Variants in GLYATL1 observed in about 807,000 individuals in gnomAD.
GLYATL1 encodes the protein glycine N-acyltransferase-like protein 1.
A neutral mutation model predicts 20.0 loss-of-function variants in GLYATL1; 15 were observed. The observed-to-expected ratio is 0.75, with a 90% CI of 0.50 to 1.15. GLYATL1 has a LOEUF of 1.15. Ranked by LOEUF, GLYATL1 falls within the 50% of genes most tolerant of loss-of-function variation. The probability of loss-of-function intolerance (pLI) is 0.00; values close to 1 mark genes in which losing one functional copy is unlikely to be tolerated. For synonymous variants in GLYATL1, 151 were observed against 131.5 expected (o/e 1.15, Z -1.01); for missense variants, 380 against 368.5 (o/e 1.03, Z -0.26).
At chr11:58,950,554 A>G (rs979765376) in intron 4 of GLYATL1, among the ~76,000 whole-genome samples, 5 of 152,196 alleles carry the variant, frequency 3.3e-5, no homozygotes, top group African/African-American at 1.2e-4. Flanking sequence ...ACATATCTTT[A>G]TATCCTGGAA....
intron 1 of GLYATL1, among the ~76,000 whole-genome samples, chr11:58,931,522 T>C (rs1855600578): frequency 6.6e-6 from 1 of 152,164 alleles, no homozygotes; most frequent in African/African-American, 2.4e-5. Context: ...TAATTTCTTA[T>C]CTATATGCAA....
intron 1 of GLYATL1, chr11:58,905,731 G>A: frequency 8.1e-6 from 1 of 123,566 alleles, no homozygotes; most frequent in South Asian, 1.3e-4. Context: ...TGGGTCATCT[G>A]GACAAATAGG....
intron 1 of GLYATL1, among the ~76,000 whole-genome samples, chr11:58,905,884 T>C (rs1186344482): frequency 6.6e-6 from 1 of 152,184 alleles, no homozygotes; most frequent in African/African-American, 2.4e-5. Context: ...CCAAAGTGGA[T>C]GAGAGGATGA....
chr11:58,934,007 G>C (rs1305490792), intron 1 of GLYATL1: 1 of 152,368 alleles, frequency 6.6e-6, no homozygotes, highest in African/African-American at 2.4e-5. Context: ...GTTAACAGTA[G>C]GTGCTGGACT....
intron 4 of GLYATL1, among the ~76,000 whole-genome samples, chr11:58,950,718 G>C (rs1196238344): frequency 6.6e-6 from 1 of 152,066 alleles, no homozygotes; most frequent in Non-Finnish European, 1.5e-5. Flanking sequence ...ACATTCTCAC[G>C]AGCACTGAAT....
At chr11:58,929,701 C>G (rs937885275) in intron 1 of GLYATL1, among the ~76,000 whole-genome samples, 14 of 152,166 alleles carry the variant, frequency 9.2e-5, no homozygotes, top group Non-Finnish European at 1.5e-4. Context: ...TTTCTCAGAC[C>G]TAGGTAATTT....
chr11:58,948,257 G>T (rs748035676), intron 4 of GLYATL1, among the ~76,000 whole-genome samples: 3 of 152,194 alleles, frequency 2.0e-5, no homozygotes, highest in Non-Finnish European at 4.4e-5. Flanking sequence ...GGGGCTGAAA[G>T]GAGGCCAATT....
chr11:58,939,140 G>A (rs531305989), upstream of GLYATL1, among the ~76,000 whole-genome samples: 8 of 152,068 alleles, frequency 5.3e-5, no homozygotes, highest in Admixed American at 3.3e-4. Flanking sequence ...GGACCCCTAC[G>A]TCCCTCAAAA....
intron 1 of GLYATL1, among the ~76,000 whole-genome samples, chr11:58,920,945 T>C (rs578129014): frequency 6.6e-6 from 1 of 152,346 alleles, no homozygotes; most frequent in Admixed American, 6.5e-5. Context: ...CAAGATCCTA[T>C]GACTTGAGTC....
intron 1 of GLYATL1, among the ~76,000 whole-genome samples, chr11:58,930,801 A>C (rs1855569898): frequency 6.6e-6 from 1 of 152,224 alleles, no homozygotes; most frequent in Non-Finnish European, 1.5e-5. Flanking sequence ...TATACAGAAA[A>C]ATATACCATT....
At chr11:58,935,446 C>T (rs986167420), upstream of GLYATL1, 1 of 152,182 alleles carries the variant, frequency 6.6e-6, no homozygotes, top group African/African-American at 2.4e-5. Flanking sequence ...AATTGTTCTT[C>T]CTATGCTCTT....
upstream of GLYATL1, among the ~76,000 whole-genome samples, chr11:58,923,741 CTGTCTT>C (rs1357973755): frequency 6.6e-6 from 1 of 152,188 alleles, no homozygotes; most frequent in Non-Finnish European, 1.5e-5. Context: ...CTCCTCAAGG[CTGTCTT>C]TGATGACTCA....
chr11:58,920,153 T>C (rs1024504599), intron 1 of GLYATL1, among the ~76,000 whole-genome samples: 1 of 152,162 alleles, frequency 6.6e-6, no homozygotes, highest in African/African-American at 2.4e-5. Context: ...CTTCTAGTGT[T>C]CCTGATTTTT....
chr11:58,907,670 A>G (rs143798528), exon 2 of GLYATL1: 7 of 197,194 alleles, frequency 3.5e-5, no homozygotes, highest in Non-Finnish European at 7.4e-5. Context: ...CACGTTTTAA[A>G]TACTTCCTGA....
At chr11:58,909,015 C>T (rs1399628055), downstream of GLYATL1, among the ~76,000 whole-genome samples, 1 of 152,128 alleles carries the variant, frequency 6.6e-6, no homozygotes, top group Admixed American at 6.5e-5. Context: ...GAACCCAGGC[C>T]ATCAGACTGC....
downstream of GLYATL1, among the ~76,000 whole-genome samples, chr11:58,912,203 GA>G (rs1855062215): frequency 1.3e-5 from 2 of 152,206 alleles, no homozygotes; most frequent in African/African-American, 4.8e-5. Flanking sequence ...GTACAGCAGG[GA>G]TTGGGGTTTG....
intron 1 of GLYATL1, among the ~76,000 whole-genome samples, chr11:58,913,811 T>C (rs1396080103): frequency 6.6e-6 from 1 of 152,146 alleles, no homozygotes; most frequent in Non-Finnish European, 1.5e-5. Context: ...GATGGAAATA[T>C]ATTGAGGAAG....
intron 1 of GLYATL1, among the ~76,000 whole-genome samples, chr11:58,928,148 T>G (rs567131063): frequency 1.2e-4 from 19 of 152,324 alleles, no homozygotes; most frequent in African/African-American, 4.1e-4. Flanking sequence ...CATGATTAGG[T>G]GCCTTAATTG....
rs190839182 is a variant in GLYATL1 at position 58,946,491 on chromosome 11, T to G, written c.-42-555T>G. Among the ~76,000 whole-genome samples the G allele has an allele frequency of 4.1e-4, 63 of 152,362 alleles. No individual in the cohort carries two copies. The East Asian group carries it at 8.1e-3, about 20-fold the overall frequency. On this transcript the variant is annotated intron_variant, in intron 2 of 6. Coordinates refer to ENST00000532726, the MANE Select transcript of GLYATL1 (RefSeq NM_001389712.2). ...ATTCTGAATGATATTTCAACAAAAG[T>G]TTACAGATATGTGTTAAAATTTTTC... is the stretch of plus-strand genomic sequence containing the variant.
Sources: gnomAD v4.1 joint callset for allele counts (sites outside exome capture counted in the v4.1 genomes callset) on GRCh38, gnomAD v4.1.1 for gene constraint, MANE v1.5 for transcripts, NCBI Gene and HGNC (gene_info 2026-07-23, HGNC 2026-07-21) for gene names.